Variants in SUN3 observed in about 807,000 individuals in gnomAD.
SUN3 encodes the protein Sad1 and UNC84 domain containing 3, also known as SUN domain-containing protein 3.
SUN3 carries 36 observed loss-of-function variants against 48.2 expected under a neutral mutation model. That is an observed-to-expected ratio of 0.75 (90% confidence interval 0.57 to 0.99). SUN3 has a LOEUF of 0.99. SUN3 is among the 50% of genes least tolerant of loss of function. The pLI is 0.00. For missense variants in SUN3, 419 were observed against 433.1 expected, an observed-to-expected ratio of 0.97 and a Z score of 0.29; for synonymous variants, 148 against 147.9, an observed-to-expected ratio of 1.00 and a Z score of 0.00.
chr7:48,034,630 G>T, the SUN3 span, among the ~76,000 whole-genome samples: 8 of 152,164 alleles, frequency 5.3e-5, no homozygotes, highest in Admixed American at 3.9e-4. Flanking sequence ...GGTATCAAAA[G>T]TGTCTCCTAC....
In SUN3 at chr7:48,007,375, T is replaced by C. The variant is rs543163799; in HGVS notation, c.330-48A>G. Reference sequence around the variant, plus strand: ...TGAGAGGAAGAAAGTGTAAAGCTCCTGTTATCAGCTGTTGCTGGGCTCCAC... The same window carrying C: ...TGAGAGGAAGAAAGTGTAAAGCTCCCGTTATCAGCTGTTGCTGGGCTCCAC... On this transcript the variant is annotated intron_variant, in intron 4 of 9. Coordinates refer to ENST00000297325, the MANE Select transcript of SUN3 (RefSeq NM_001030019.2). 76 of 1,567,712 alleles carry C rather than the reference T, an allele frequency of 4.8e-5. No individual in the cohort carries two copies. The South Asian group carries it at 8.3e-4, about 17-fold the overall frequency.
chr7:48,007,070 G>A, intron 5 of SUN3, 95 bp downstream of exon 5: 1 of 1,249,074 alleles, frequency 8.0e-7, no homozygotes, highest in Non-Finnish European at 1.1e-6. Flanking sequence ...AGAAGCAGAT[G>A]TGACATCGGA....
At chr7:47,991,743 G>A (rs549023029) in intron 8 of SUN3, among the ~76,000 whole-genome samples, 1 of 152,280 alleles carries the variant, frequency 6.6e-6, no homozygotes, top group African/African-American at 2.4e-5. Flanking sequence ...TTAAGCGGCA[G>A]GTTCCCAGGA....
chr7:48,017,117 A>G, intron 3 of SUN3, 145 bp downstream of exon 3: 1 of 583,636 alleles, frequency 1.7e-6, no homozygotes, highest in Non-Finnish European at 3.0e-6. Context: ...AACCACAGAA[A>G]CCACTTAATA....
At chr7:48,022,017 C>G (rs1400188014) in intron 2 of SUN3, among the ~76,000 whole-genome samples, 1 of 152,052 alleles carries the variant, frequency 6.6e-6, no homozygotes, top group Non-Finnish European at 1.5e-5. Context: ...TGGAAGCAAC[C>G]TAAGTGTCCA....
chr7:48,006,027 T>G lies in SUN3; in HGVS notation c.519A>C (p.Val173=). The G allele has an allele frequency of 6.2e-7, 1 of 1,612,720 alleles. No homozygotes were observed. The highest frequency in any genetic ancestry group is 1.3e-5 in the African/African-American group (1 of 74,978). ...TEEVSNLVNY[V]LKKLREDQVE... ...CTTGGTCTTCTCTCAACTTTTTAAG[T>G]ACATAATTGACCAAGTTTGACACTT... is the stretch of plus-strand genomic sequence containing the variant. Residue 173 remains valine, a synonymous_variant, in exon 6 of 10, where the codon GTA becomes GTC. Coordinates refer to ENST00000297325, the MANE Select transcript of SUN3 (RefSeq NM_001030019.2).
chr7:47,990,865 C>G (rs1043750913), intron 8 of SUN3: 4 of 350,424 alleles, frequency 1.1e-5, no homozygotes, highest in Non-Finnish European at 1.1e-5. Flanking sequence ...AAAACAAATA[C>G]TCTATGTTCT....
At chr7:47,992,092 T>C (rs1789081013) in intron 8 of SUN3, among the ~76,000 whole-genome samples, 1 of 122,386 alleles carries the variant, frequency 8.2e-6, no homozygotes, top group Non-Finnish European at 1.8e-5. Flanking sequence ...TCAGCTCTCC[T>C]GATAGCACAC....
chr7:48,020,928 C>G (rs1789975980), intron 2 of SUN3, among the ~76,000 whole-genome samples: 1 of 151,962 alleles, frequency 6.6e-6, no homozygotes, highest in Admixed American at 6.6e-5. Context: ...AAAAAAACAA[C>G]CCTAAAATTT....
chr7:47,987,355 T>C lies in SUN3; in HGVS notation c.1049A>G (p.His350Arg). The change falls in exon 10 of 10, where the codon CAT becomes CGT. Residue 350 changes from histidine (H) to arginine (R), a missense_variant. Transcript: ENST00000297325. The part of the protein sequence containing the change: ...KYTCLYRFRV[H>R]GTPGKHI ...CTAGATGTGCTTGCCTGGTGTGCCATGGACCCTGAATCGATATAAACAAGT... is the reference window on the plus strand; with the variant it reads ...CTAGATGTGCTTGCCTGGTGTGCCACGGACCCTGAATCGATATAAACAAGT... 2 of 1,612,530 alleles carry C rather than the reference T, an allele frequency of 1.2e-6. No homozygotes were observed. Among genetic ancestry groups the C allele is most frequent in the African/African-American group, 1.3e-5 (1 of 75,002 alleles).
intron 5 of SUN3, 36 bp from the exon 6 acceptor site, chr7:48,006,089 TC>T: frequency 7.0e-7 from 1 of 1,438,404 alleles, no homozygotes; most frequent in South Asian, 1.2e-5. Context: ...CTGTTAACAA[TC>T]TTTGCCAACT....
At chr7:48,001,520 C>CTTT (rs1277271176) in intron 6 of SUN3, among the ~76,000 whole-genome samples, 1 of 113,324 alleles carries the variant, frequency 8.8e-6, no homozygotes, top group Non-Finnish European at 2.0e-5. Flanking sequence ...CATGTCTTTT[C>CTTT]TGTTTTTTTT....
Position 47,987,334 on chromosome 7 carries a change from A to G in SUN3, c.1070T>C (p.Ile357Thr), listed in dbSNP as rs1459041253. ...FRVHGTPGKH[I>T] ...TGGCCTTCTGTACCAACTCTTCTAG[A>G]TGTGCTTGCCTGGTGTGCCATGGAC... Residue 357 changes from isoleucine to threonine, a missense_variant, in exon 10 of 10, where the codon ATC (isoleucine) becomes ACC (threonine). Transcript: ENST00000297325. The G allele has an allele frequency of 6.2e-7, 1 of 1,611,668 alleles. No individual in the cohort carries two copies. The highest frequency in any genetic ancestry group is 8.5e-7 in the Non-Finnish European group (1 of 1,178,662).
chr7:48,001,763 C>G (rs573805071), intron 6 of SUN3, among the ~76,000 whole-genome samples: 1 of 152,104 alleles, frequency 6.6e-6, no homozygotes, highest in Non-Finnish European at 1.5e-5. Context: ...GTCTCGATCT[C>G]CTGACCTTGT....
chr7:48,035,470 C>T, the SUN3 span: 3 of 695,018 alleles, frequency 4.3e-6, no homozygotes, highest in East Asian at 8.1e-5. This position sits in a 1 kb window ranked among gnomAD's most constrained non-coding sequence, Gnocchi z 4.0. Flanking sequence ...GCTCCAGCCG[C>T]GCCCGCCGGT....
At chr7:48,013,496 C>A (rs1789734370) in intron 3 of SUN3, among the ~76,000 whole-genome samples, 1 of 152,110 alleles carries the variant, frequency 6.6e-6, no homozygotes, top group Non-Finnish European at 1.5e-5. Context: ...TATAAATATT[C>A]TTTACTTATT....
At chr7:48,012,469 C>A (rs1789710926) in intron 3 of SUN3, among the ~76,000 whole-genome samples, 1 of 151,662 alleles carries the variant, frequency 6.6e-6, no homozygotes, top group Non-Finnish European at 1.5e-5. Context: ...TAATTTGAAC[C>A]AAGATAAATT....
intron 2 of SUN3, among the ~76,000 whole-genome samples, chr7:48,023,625 C>G (rs1486450530): frequency 6.6e-6 from 1 of 152,122 alleles, no homozygotes; most frequent in Non-Finnish European, 1.5e-5. Flanking sequence ...ACTTTCCAAT[C>G]AAAAGGCAGA....
At chr7:48,006,495 A>G (rs1039797440) in intron 5 of SUN3, among the ~76,000 whole-genome samples, 1 of 152,168 alleles carries the variant, frequency 6.6e-6, no homozygotes, top group African/African-American at 2.4e-5. Context: ...TATATTAGAC[A>G]TTTTTCACCC....
Sources: allele counts gnomAD v4.1 joint callset (sites outside exome capture counted in the v4.1 genomes callset), GRCh38; gene constraint gnomAD v4.1.1; non-coding constraint Gnocchi (gnomAD v3.1); transcripts MANE v1.5; gene names NCBI Gene and HGNC (gene_info 2026-07-23, HGNC 2026-07-21).